The following DOCK5 variants were observed in gnomAD, a reference collection of about 807,000 sequenced individuals.
DOCK5 encodes dedicator of cytokinesis protein 5.
A neutral mutation model predicts 251.8 loss-of-function variants in DOCK5; 142 were observed. The ratio of observed to expected loss-of-function variants is 0.56; its 90% CI spans 0.49 to 0.65. The LOEUF (loss-of-function observed/expected upper bound fraction) is 0.65, where lower values mean the gene tolerates loss of function less well. Ranked by LOEUF, DOCK5 falls within the 30% of genes least tolerant of loss-of-function variation. DOCK5 has a pLI of 0.00. For missense variants in DOCK5, 2,111 were observed against 2,312.3 expected (o/e 0.91, Z 1.79); for synonymous variants, 842 against 835.5 (o/e 1.01, Z -0.13).
chr8:25,200,104 G>T (rs1484490643), intron 1 of DOCK5, among the ~76,000 whole-genome samples: 1 of 152,218 alleles, frequency 6.6e-6, no homozygotes, highest in Non-Finnish European at 1.5e-5. Context: ...GGCCAAAAAT[G>T]TTGGGAACTT....
At chr8:25,217,102 A>T (rs1054166068) in intron 1 of DOCK5, among the ~76,000 whole-genome samples, 7 of 149,002 alleles carry the variant, frequency 4.7e-5, no homozygotes, top group African/African-American at 1.7e-4. Flanking sequence ...ATATATACAC[A>T]TATATACGTA....
intron 48 of DOCK5, among the ~76,000 whole-genome samples, chr8:25,404,654 AT>A (rs2117341326): frequency 6.6e-6 from 1 of 152,008 alleles, no homozygotes; most frequent in Admixed American, 6.6e-5. Context: ...CTTTCACTCT[AT>A]TACTGTTACT....
chr8:25,366,120 C>T (rs754275866), intron 30 of DOCK5, among the ~76,000 whole-genome samples: 3 of 152,198 alleles, frequency 2.0e-5, no homozygotes, highest in Non-Finnish European at 2.9e-5. Flanking sequence ...ATTCTTCTTA[C>T]GAACATTTAG....
Position 25,184,948 on chromosome 8 carries a change from G to C in DOCK5, c.40G>C (p.Val14Leu). 7.0e-7 allele frequency: 1 copy of C among 1,435,228 alleles called. No individual in the cohort carries two copies. The highest frequency in any genetic ancestry group is 2.8e-5 in the East Asian group (1 of 35,974). The allele number at this position is 1,435,228 out of a possible 1,614,324, so 88.9% of individuals were successfully genotyped here. ...CCCGACCAAGAGGCAGAAGTACGGGGTTGGTGAGTGCGCGCCCCACCTTGT... is the reference window on the plus strand; with the variant it reads ...CCCGACCAAGAGGCAGAAGTACGGGCTTGGTGAGTGCGCGCCCCACCTTGT... ...WIPTKRQKYG[V>L]AIYNYNASQD... Residue 14 changes from valine (V) to leucine (L), a missense_variant, in exon 1 of 52, where the codon GTT becomes CTT. Coordinates refer to ENST00000276440, the MANE Select transcript of DOCK5 (RefSeq NM_024940.8).
intron 5 of DOCK5, among the ~76,000 whole-genome samples, chr8:25,281,585 A>T: frequency 7.3e-6 from 1 of 137,810 alleles, no homozygotes; most frequent in East Asian, 2.1e-4. Context: ...GAATTTGGTT[A>T]AAAAAAAAAA....
chr8:25,292,029 C>A lies in DOCK5; in HGVS notation c.327C>A (p.Asn109Lys). ...AVIWRKLYVN[N>K]KLTLFRQLQQ... ...ATCATATTTTCTCATCTTAGAACAA[C>A]AAGCTCACCCTCTTCCGCCAGCTGC... Residue 109 changes from asparagine to lysine, a missense_variant, in exon 6 of 52, where the codon AAC becomes AAA. Physicochemically the swap from Asn to Lys is moderately conservative, Grantham distance 94 (BLOSUM62 0). Transcript: ENST00000276440. 2 of 1,587,892 alleles carry A rather than the reference C, an allele frequency of 1.3e-6. No individual in the cohort carries two copies. Among genetic ancestry groups the A allele is most frequent in the Non-Finnish European group, 1.7e-6 (2 of 1,168,072 alleles).
chr8:25,372,446 C>T (rs1421808593), intron 34 of DOCK5, 113 bp from the exon 35 acceptor site: 5 of 1,077,974 alleles, frequency 4.6e-6, no homozygotes, highest in Non-Finnish European at 6.5e-6. Context: ...CATTGACGTT[C>T]TGTGTCATCA....
In DOCK5 at chr8:25,283,997, A is replaced by C. The variant is rs199709651; in HGVS notation, c.321+5332A>C. ...GACCTTGGACATTGGAGTCAGACAG[A>C]CTGCCTAGTTCTTAAGTTCTGGCTT... On this transcript the variant is annotated intron_variant, in intron 5 of 51. Coordinates refer to ENST00000276440, the MANE Select transcript of DOCK5 (RefSeq NM_024940.8). Among the ~76,000 whole-genome samples, 16 of 152,296 alleles carry C rather than the reference A, an allele frequency of 1.1e-4. No homozygotes were observed. The East Asian group carries it at 3.1e-3, about 29-fold the overall frequency.
intron 14 of DOCK5, among the ~76,000 whole-genome samples, chr8:25,318,971 A>C (rs1805345989): frequency 6.6e-6 from 1 of 152,200 alleles, no homozygotes; most frequent in Admixed American, 6.5e-5. Context: ...GCTATGAGCC[A>C]CTGTATGAAA....
At chr8:25,409,386 A>G (rs909960761) in intron 50 of DOCK5, 9 of 176,488 alleles carry the variant, frequency 5.1e-5, no homozygotes, top group African/African-American at 1.4e-4. Context: ...GGATAAATCT[A>G]TCGAGCCAGA....
At chr8:25,248,787 G>C (rs1192023667) in intron 2 of DOCK5, among the ~76,000 whole-genome samples, 2 of 152,092 alleles carry the variant, frequency 1.3e-5, no homozygotes, top group African/African-American at 4.8e-5. Flanking sequence ...CAGGTGCTCA[G>C]CAACAATCTA....
Position 25,292,177 on chromosome 8 carries a change from G to C in DOCK5, c.470+5G>C, listed in dbSNP as rs779893843. On this transcript the variant is annotated splice_donor_5th_base_variant and intron_variant, in intron 6 of 51. Coordinates refer to ENST00000276440, the MANE Select transcript of DOCK5 (RefSeq NM_024940.8). ...CAAAATTGATCATGGGAACAGGTAG[G>C]TAAACCAGGGATGGCTTTTCACTGA... 2 of 1,562,142 alleles carry C rather than the reference G, an allele frequency of 1.3e-6. No homozygotes were observed. Among genetic ancestry groups the C allele is most frequent in the Non-Finnish European group, 1.7e-6 (2 of 1,155,002 alleles).
At chr8:25,298,045 A>G (rs1804664290) in intron 7 of DOCK5, among the ~76,000 whole-genome samples, 1 of 150,892 alleles carries the variant, frequency 6.6e-6, no homozygotes, top group Admixed American at 6.6e-5. Flanking sequence ...CAACAAAGCA[A>G]GACCCTGCCT....
intron 48 of DOCK5, among the ~76,000 whole-genome samples, chr8:25,406,028 G>A (rs562479090): frequency 6.6e-6 from 1 of 152,024 alleles, no homozygotes; most frequent in African/African-American, 2.4e-5. Flanking sequence ...GTGCGATCTC[G>A]GCTCACCGCA....
chr8:25,392,264 A>G (rs992645836), intron 43 of DOCK5, among the ~76,000 whole-genome samples: 5 of 150,344 alleles, frequency 3.3e-5, no homozygotes, highest in Admixed American at 2.0e-4. Context: ...AGGTCGCACC[A>G]CTGCACTCCA....
intron 1 of DOCK5, among the ~76,000 whole-genome samples, chr8:25,193,967 A>G (rs1801649738): frequency 6.6e-6 from 1 of 152,014 alleles, no homozygotes; most frequent in Admixed American, 6.6e-5. Context: ...TCTGTCAACA[A>G]TGAGGATCTA....
At chr8:25,310,215 C>T (rs1805052635) in intron 12 of DOCK5, among the ~76,000 whole-genome samples, 192 bp from the exon 13 acceptor site, 1 of 152,026 alleles carries the variant, frequency 6.6e-6, no homozygotes, top group African/African-American at 2.4e-5. Flanking sequence ...GTTCACATCT[C>T]TGTCAAATTC....
intron 4 of DOCK5, among the ~76,000 whole-genome samples, chr8:25,276,764 A>C (rs148679446): frequency 1.5e-3 from 229 of 152,338 alleles, no homozygotes; most frequent in African/African-American, 5.3e-3. Flanking sequence ...CTGTTTAAAA[A>C]GTGTAAATGT....
At chr8:25,263,332 A>T (rs1486050447) in intron 2 of DOCK5, among the ~76,000 whole-genome samples, 1 of 151,740 alleles carries the variant, frequency 6.6e-6, no homozygotes, top group Non-Finnish European at 1.5e-5. Flanking sequence ...AATTCAACAG[A>T]GCTAGGGGTA....
Sources: allele counts gnomAD v4.1 joint callset (sites outside exome capture counted in the v4.1 genomes callset), GRCh38; gene constraint gnomAD v4.1.1; transcripts MANE v1.5; gene names NCBI Gene and HGNC (gene_info 2026-07-23, HGNC 2026-07-21).